Variants in CNTN4 observed in about 807,000 individuals in gnomAD.
CNTN4 encodes contactin 4.
CNTN4 carries 77 observed loss-of-function variants against 122.5 expected under a neutral mutation model. The ratio of observed to expected loss-of-function variants is 0.63; its 90% CI spans 0.52 to 0.76. CNTN4 has a LOEUF of 0.76. Among genes scored for constraint, CNTN4 ranks in the 30% least tolerant of loss-of-function variants. The pLI, the probability that CNTN4 is intolerant of heterozygous loss-of-function variation, is 0.00. For synonymous variants in CNTN4, 512 were observed against 447.0 expected (o/e 1.15, Z -1.83); for missense variants, 1,256 against 1,259.1 (o/e 1.00, Z 0.04).
intron 3 of CNTN4, among the ~76,000 whole-genome samples, chr3:2,381,098 T>C (rs1164488229): frequency 3.3e-5 from 5 of 151,940 alleles, no homozygotes; most frequent in African/African-American, 9.7e-5. Context: ...CTCTGCCTTC[T>C]GGGTTCCCGC....
At chr3:2,282,455 A>T (rs547814969) in intron 2 of CNTN4, among the ~76,000 whole-genome samples, 1 of 152,192 alleles carries the variant, frequency 6.6e-6, no homozygotes, top group African/African-American at 2.4e-5. Context: ...TGCTCTCCTT[A>T]GTTTTATTCT....
chr3:2,708,180 A>G (rs1360728716), intron 4 of CNTN4, among the ~76,000 whole-genome samples: 3 of 152,160 alleles, frequency 2.0e-5, no homozygotes, highest in African/African-American at 7.2e-5. Context: ...TCTCATAGTT[A>G]TTTACTTCAA....
intron 3 of CNTN4, among the ~76,000 whole-genome samples, chr3:2,472,507 G>A (rs2075716596): frequency 6.6e-6 from 1 of 152,208 alleles, no homozygotes; most frequent in Non-Finnish European, 1.5e-5. Context: ...CCAAAGTGCT[G>A]GGATTACTGG....
intron 3 of CNTN4, among the ~76,000 whole-genome samples, chr3:2,398,702 C>T (rs2046730828): frequency 6.6e-6 from 1 of 152,120 alleles, no homozygotes; most frequent in Non-Finnish European, 1.5e-5. Flanking sequence ...TCTCCAAAAT[C>T]ACATTTCTGG....
intron 18 of CNTN4, 54 bp from the exon 19 acceptor site, chr3:3,038,879 G>A (rs2125744705): frequency 1.3e-6 from 2 of 1,482,418 alleles, no homozygotes; most frequent in Non-Finnish European, 1.9e-6. Context: ...AACCTTCCTG[G>A]CCCTCATTCG....
intron 3 of CNTN4, among the ~76,000 whole-genome samples, chr3:2,544,246 A>T: frequency 6.6e-6 from 1 of 152,116 alleles, no homozygotes; most frequent in East Asian, 1.9e-4. Flanking sequence ...GTATTTTGGT[A>T]AATGATGGAG....
intron 12 of CNTN4, among the ~76,000 whole-genome samples, chr3:2,925,412 G>A (rs2094464443): frequency 1.3e-5 from 2 of 152,098 alleles, no homozygotes; most frequent in African/African-American, 4.8e-5. Flanking sequence ...AATTACCTGG[G>A]CGTGGTCATG....
chr3:2,871,967 C>T (rs1214520168), intron 8 of CNTN4, among the ~76,000 whole-genome samples: 1 of 152,124 alleles, frequency 6.6e-6, no homozygotes, highest in Non-Finnish European at 1.5e-5. Flanking sequence ...TGGGAAAGTA[C>T]ACCTGTTGCT....
At chr3:2,971,350 GTCTATCTA>G (rs71058657) in intron 13 of CNTN4, among the ~76,000 whole-genome samples, 50,663 of 150,322 alleles carry the variant, frequency 0.34, 10,940 homozygotes, top group African/African-American at 0.64. Context: ...CTGTCTGTCT[GTCTATCTA>G]TCTATCTATC....
chr3:2,475,519 T>A (rs144294854), intron 3 of CNTN4, among the ~76,000 whole-genome samples: 72 of 152,298 alleles, frequency 4.7e-4, no homozygotes, highest in African/African-American at 1.7e-3. Flanking sequence ...TAAGGGTGTT[T>A]TACAATATGT....
At chr3:2,234,429 C>CT (rs2039608109) in intron 2 of CNTN4, among the ~76,000 whole-genome samples, 1 of 144,602 alleles carries the variant, frequency 6.9e-6, no homozygotes, top group African/African-American at 2.5e-5. Flanking sequence ...GACTTACAAA[C>CT]TTCATCAGCT....
chr3:2,665,441 CT>C lies in CNTN4; in HGVS notation c.56-70772del, dbSNP rs200857926. Among the ~76,000 whole-genome samples, 547 of 152,276 alleles carry C rather than the reference CT, an allele frequency of 3.6e-3. 16 individuals are homozygous for C. The highest frequency in any genetic ancestry group is 0.033 in the Admixed American group (512 of 15,286). ...TAAACAACCCTTTATAAATTTTCAA[CT>C]TGATCACCTATAGCAATAAAGCTAC... On this transcript the variant is annotated intron_variant, in intron 4 of 24. Transcript: ENST00000418658.
At chr3:3,049,703 T>A (rs1376091864) in intron 23 of CNTN4, among the ~76,000 whole-genome samples, 1 of 152,106 alleles carries the variant, frequency 6.6e-6, no homozygotes. Flanking sequence ...AAAGCCACTT[T>A]TAAGTGGTGA....
chr3:2,436,126 C>T (rs917471777), intron 3 of CNTN4, among the ~76,000 whole-genome samples: 2 of 152,220 alleles, frequency 1.3e-5, no homozygotes, highest in East Asian at 1.9e-4. Flanking sequence ...TATCCTTTGG[C>T]CAGTATTTTC....
At chr3:2,671,142 C>T (rs956428790) in intron 4 of CNTN4, among the ~76,000 whole-genome samples, 1 of 152,132 alleles carries the variant, frequency 6.6e-6, no homozygotes, top group Admixed American at 6.5e-5. Flanking sequence ...GTTGGCCTGC[C>T]TTGCTAGATT....
At chr3:2,218,792 G>A (rs554996147) in intron 2 of CNTN4, among the ~76,000 whole-genome samples, 128 of 152,258 alleles carry the variant, frequency 8.4e-4, no homozygotes, top group Non-Finnish European at 2.8e-4. Context: ...TATCATGAAT[G>A]AAGCCCTTCC....
chr3:2,247,473 A>G (rs1452500834), intron 2 of CNTN4, among the ~76,000 whole-genome samples: 1 of 152,012 alleles, frequency 6.6e-6, no homozygotes, highest in Non-Finnish European at 1.5e-5. Context: ...ATTGATGATG[A>G]TGATGACAGA....
intron 12 of CNTN4, among the ~76,000 whole-genome samples, chr3:2,924,347 A>C (rs540389438): frequency 6.6e-6 from 1 of 152,104 alleles, no homozygotes; most frequent in South Asian, 2.1e-4. Flanking sequence ...ACACACCTCA[A>C]GTTCTCCTTT....
At position 2,652,687 on chromosome 3, in the gene CNTN4, T is replaced by G. The variant is rs139263246; in HGVS notation, c.55+81129T>G. Among the ~76,000 whole-genome samples the G allele has an allele frequency of 2.0e-3, 307 of 151,904 alleles. 3 individuals are homozygous for G. Among genetic ancestry groups the G allele is most frequent in the African/African-American group, 7.1e-3 (296 of 41,452 alleles). ...CAATGAGATGAGAGAAGCAAGGAAGTAGTAGTACAGGTCTCAGTGGAATCC... is the reference window on the plus strand; with the variant it reads ...CAATGAGATGAGAGAAGCAAGGAAGGAGTAGTACAGGTCTCAGTGGAATCC... On this transcript the variant is annotated intron_variant, in intron 4 of 24. Coordinates refer to ENST00000418658, the MANE Select transcript of CNTN4 (RefSeq NM_175607.3).
Sources: gnomAD v4.1 joint callset for allele counts (sites outside exome capture counted in the v4.1 genomes callset) on GRCh38, gnomAD v4.1.1 for gene constraint, MANE v1.5 for transcripts, NCBI Gene and HGNC (gene_info 2026-07-23, HGNC 2026-07-21) for gene names.